The following MECOM variants were observed in gnomAD, a reference collection of about 807,000 sequenced individuals.
MECOM encodes the protein MDS1 and EVI1 complex locus.
Under a neutral mutation model 116.3 loss-of-function variants are expected in MECOM, and 13 were observed. The observed-to-expected ratio is 0.11, with a 90% CI of 0.07 to 0.18. The LOEUF is 0.18. Ranked by LOEUF, MECOM falls within the 10% of genes least tolerant of loss-of-function variation. The pLI, the probability that MECOM is intolerant of heterozygous loss-of-function variation, is 1.00. For missense variants in MECOM, 1,299 were observed against 1,509.0 expected (o/e 0.86, Z 2.31); for synonymous variants, 528 against 535.2 (o/e 0.99, Z 0.19).
rs1161505308 is a variant in MECOM, at chr3:169,084,769, TCA to T, written c.*138_*139del. On this transcript the variant is annotated 3_prime_UTR_variant, in exon 17 of 17. Coordinates refer to ENST00000651503, the MANE Select transcript of MECOM (RefSeq NM_004991.4). ...TTCTTTCTTTTCTTTTTTAAATCATTCAGTTTAAGGTCACTAGACTTTAGATG... is the reference window on the plus strand; with the variant it reads ...TTCTTTCTTTTCTTTTTTAAATCATTGTTTAAGGTCACTAGACTTTAGATG... The T allele has an allele frequency of 2.5e-6, 2 of 809,996 alleles. No individual in the cohort carries two copies. Among genetic ancestry groups the T allele is most frequent in the African/African-American group, 3.4e-5 (2 of 57,990 alleles). 50.2% of individuals were successfully genotyped at this position (809,996 alleles called of 1,614,324 possible).
At chr3:169,624,692 G>A (rs1164147556) in intron 1 of MECOM, among the ~76,000 whole-genome samples, 3 of 152,174 alleles carry the variant, frequency 2.0e-5, no homozygotes, top group Non-Finnish European at 2.9e-5. Context: ...CTGGCTAGTA[G>A]GGCCTGGTCA....
At chr3:169,172,405 GTA>G (rs1489887682) in intron 2 of MECOM, among the ~76,000 whole-genome samples, 26 of 106,834 alleles carry the variant, frequency 2.4e-4, no homozygotes, top group South Asian at 9.7e-4. Flanking sequence ...AGGTACCCTT[GTA>G]TGTGTGTGTG....
intron 1 of MECOM, among the ~76,000 whole-genome samples, chr3:169,394,572 T>A (rs1329309887): frequency 6.6e-6 from 1 of 152,130 alleles, no homozygotes; most frequent in Non-Finnish European, 1.5e-5. Context: ...GGATTGAGTT[T>A]ATCATATTTG....
intron 1 of MECOM, among the ~76,000 whole-genome samples, chr3:169,618,144 G>T (rs1230429028): frequency 6.6e-6 from 1 of 152,084 alleles, no homozygotes; most frequent in Non-Finnish European, 1.5e-5. Flanking sequence ...ATGGGGCCAT[G>T]GCATATAGTT....
chr3:169,407,688 C>T (rs1449477999), intron 1 of MECOM, among the ~76,000 whole-genome samples: 2 of 152,200 alleles, frequency 1.3e-5, no homozygotes, highest in East Asian at 3.9e-4. Context: ...GATATTTCTA[C>T]TTAGGATTTT....
intron 1 of MECOM, among the ~76,000 whole-genome samples, chr3:169,466,639 G>C (rs527972633): frequency 1.3e-5 from 2 of 151,382 alleles, no homozygotes; most frequent in Admixed American, 6.6e-5. Context: ...CTTTCACTTC[G>C]GCCTCTTTAA....
chr3:169,554,586 A>G (rs149430494), intron 1 of MECOM, among the ~76,000 whole-genome samples: 229 of 152,350 alleles, frequency 1.5e-3, no homozygotes, highest in African/African-American at 5.4e-3. Flanking sequence ...TTGGCACATC[A>G]CAGATGAAAG....
At chr3:169,380,401 A>G (rs1420155216) in intron 2 of MECOM, among the ~76,000 whole-genome samples, 1 of 152,160 alleles carries the variant, frequency 6.6e-6, no homozygotes, top group East Asian at 1.9e-4. Flanking sequence ...AAGTATATAT[A>G]TCTACTGAAT....
chr3:169,530,905 A>C (rs1382697155), intron 1 of MECOM, among the ~76,000 whole-genome samples: 1 of 152,118 alleles, frequency 6.6e-6, no homozygotes, highest in African/African-American at 2.4e-5. Context: ...CAGCAAAAAA[A>C]AAAAATGATT....
intron 1 of MECOM, among the ~76,000 whole-genome samples, chr3:169,500,128 GAAT>G (rs1404511565): frequency 6.6e-6 from 1 of 151,908 alleles, no homozygotes; most frequent in Non-Finnish European, 1.5e-5. Flanking sequence ...TAAAATAACT[GAAT>G]AAAAATATTA....
intron 1 of MECOM, among the ~76,000 whole-genome samples, chr3:169,527,936 G>A (rs1432643379): frequency 6.6e-6 from 1 of 152,166 alleles, no homozygotes; most frequent in African/African-American, 2.4e-5. Context: ...GTCTATAGAA[G>A]TTTGATGTGC....
chr3:169,483,760 A>G (rs1578229786), intron 1 of MECOM: 1 of 1,609,032 alleles, frequency 6.2e-7, no homozygotes, highest in African/African-American at 1.3e-5. Context: ...ACTACGCGCA[A>G]CCAGTCACGT....
At chr3:169,239,091 C>T (rs1045880829) in intron 2 of MECOM, among the ~76,000 whole-genome samples, 1 of 152,078 alleles carries the variant, frequency 6.6e-6, no homozygotes, top group Non-Finnish European at 1.5e-5. Context: ...ATGTGAACTG[C>T]TATAAAAGTA....
Position 169,350,016 on chromosome 3 carries a change from TAG to T in MECOM, c.375+31169_375+31170del, listed in dbSNP as rs1260135785. ...TCAATATTTATTTATAAAAATATGA[TAG>T]AGTCTAATGAAGTGATATGCAGTTT... On this transcript the variant is annotated intron_variant, in intron 2 of 16. Transcript: ENST00000651503. 3.0e-4 allele frequency among the ~76,000 whole-genome samples: 46 copies of T among 152,110 alleles called. No individual in the cohort carries two copies. The Middle Eastern group carries it at 0.02, about 67-fold the overall frequency.
At chr3:169,597,326 A>G (rs574170192) in intron 1 of MECOM, among the ~76,000 whole-genome samples, 140 of 152,324 alleles carry the variant, frequency 9.2e-4, no homozygotes, top group African/African-American at 3.2e-3. Flanking sequence ...TCTTTTCCTG[A>G]AAGTGCTTAG....
intron 2 of MECOM, among the ~76,000 whole-genome samples, chr3:169,269,915 G>T (rs949481947): frequency 1.3e-5 from 2 of 152,056 alleles, no homozygotes; most frequent in African/African-American, 4.8e-5. Context: ...GTGGAAAATA[G>T]AAATATTTTT....
chr3:169,307,900 T>C (rs2149724256), intron 2 of MECOM, among the ~76,000 whole-genome samples: 1 of 152,306 alleles, frequency 6.6e-6, no homozygotes, highest in East Asian at 1.9e-4. Flanking sequence ...TCCACTCTCA[T>C]TTCCTTTCAC....
chr3:169,120,133 G>T (rs192488754), intron 7 of MECOM, among the ~76,000 whole-genome samples: 6 of 152,132 alleles, frequency 3.9e-5, no homozygotes, highest in African/African-American at 1.4e-4. Context: ...TGTGTATCTG[G>T]GTCCAAAATC....
chr3:169,512,750 C>T (rs920311498), intron 1 of MECOM, among the ~76,000 whole-genome samples: 1 of 151,894 alleles, frequency 6.6e-6, no homozygotes, highest in African/African-American at 2.4e-5. Flanking sequence ...CATCCCAGCT[C>T]CCCCTTCCCA....
Sources: gnomAD v4.1 joint callset for allele counts (sites outside exome capture counted in the v4.1 genomes callset) on GRCh38, gnomAD v4.1.1 for gene constraint, MANE v1.5 for transcripts, NCBI Gene and HGNC (gene_info 2026-07-23, HGNC 2026-07-21) for gene names.